Variants in FCHSD2 observed in about 807,000 individuals in gnomAD.
FCHSD2 encodes F-BAR and double SH3 domains protein 2.
FCHSD2 carries 38 observed loss-of-function variants against 108.1 expected under a neutral mutation model. The observed-to-expected ratio is 0.35, with a 90% CI of 0.27 to 0.46. FCHSD2 has a LOEUF of 0.46. Among genes scored for constraint, FCHSD2 ranks in the 20% least tolerant of loss-of-function variants. The pLI is 1.00. For missense variants in FCHSD2, 751 were observed against 897.8 expected (o/e 0.84, Z 2.09); for synonymous variants, 279 against 314.7 (o/e 0.89, Z 1.20).
intron 8 of FCHSD2, among the ~76,000 whole-genome samples, chr11:72,977,027 C>T (rs1050742132): frequency 6.6e-6 from 1 of 151,704 alleles, no homozygotes; most frequent in South Asian, 2.1e-4. Context: ...CCGGTTCAAG[C>T]GATTCTCCTG....
intron 4 of FCHSD2, among the ~76,000 whole-genome samples, chr11:73,010,521 AG>A (rs1857839357): frequency 6.6e-6 from 1 of 152,126 alleles, no homozygotes; most frequent in Admixed American, 6.5e-5. Flanking sequence ...CACTTCTTCC[AG>A]TTTTTTGAAT....
chr11:72,905,904 T>C (rs1855620072), intron 9 of FCHSD2, among the ~76,000 whole-genome samples: 1 of 152,224 alleles, frequency 6.6e-6, no homozygotes, highest in African/African-American at 2.4e-5. Context: ...AACATATGTG[T>C]GCATGTGTCT....
intron 4 of FCHSD2, among the ~76,000 whole-genome samples, chr11:73,009,604 C>A (rs567014258): frequency 6.6e-6 from 1 of 152,106 alleles, no homozygotes; most frequent in Non-Finnish European, 1.5e-5. Context: ...AATTCCCTAA[C>A]CTTTTGCTTG....
chr11:72,967,248 G>C (rs1163968929), intron 8 of FCHSD2, among the ~76,000 whole-genome samples: 2 of 151,514 alleles, frequency 1.3e-5, no homozygotes, highest in Non-Finnish European at 2.9e-5. Context: ...AGTGAAGAGA[G>C]GGATTGTTTT....
At chr11:73,114,592 T>G (rs1860563487) in intron 2 of FCHSD2, among the ~76,000 whole-genome samples, 1 of 152,058 alleles carries the variant, frequency 6.6e-6, no homozygotes, top group Non-Finnish European at 1.5e-5. Context: ...CACAGCGTAC[T>G]AACTAGGTAT....
chr11:73,010,284 A>G (rs1188092939), intron 4 of FCHSD2, among the ~76,000 whole-genome samples: 3 of 152,020 alleles, frequency 2.0e-5, no homozygotes, highest in African/African-American at 7.2e-5. Context: ...TAAATTTCTC[A>G]TTCATATCCT....
intron 2 of FCHSD2, among the ~76,000 whole-genome samples, chr11:73,088,458 C>CGT (rs142288080): frequency 2.6e-5 from 4 of 151,316 alleles, no homozygotes; most frequent in East Asian, 1.9e-4. Flanking sequence ...TGTATACATA[C>CGT]GTGTGTGTGT....
intron 12 of FCHSD2, among the ~76,000 whole-genome samples, chr11:72,879,826 C>T (rs2135230270): frequency 6.6e-6 from 1 of 151,758 alleles, no homozygotes; most frequent in East Asian, 1.9e-4. Flanking sequence ...TAGAAGAGGA[C>T]AGAAAACATA....
At chr11:72,849,617 C>A (rs140178229) in intron 14 of FCHSD2, 138 bp downstream of exon 14, 3 of 689,280 alleles carry the variant, frequency 4.4e-6, no homozygotes, top group Non-Finnish European at 7.4e-6. Flanking sequence ...AAACTCATCA[C>A]CATTCTGTTA....
chr11:73,106,778 G>T lies in FCHSD2; in HGVS notation c.120-23038C>A, dbSNP rs141315742. 4.9e-3 allele frequency among the ~76,000 whole-genome samples: 749 copies of T among 152,192 alleles called. 5 individuals carry two copies. Among genetic ancestry groups the T allele is most frequent in the African/African-American group, 0.018 (727 of 41,520 alleles). On this transcript the variant is annotated intron_variant, in intron 2 of 19. Coordinates refer to ENST00000409418, the MANE Select transcript of FCHSD2 (RefSeq NM_014824.3). ...CTTAAAGTATTCAGTACAGTAACAT[G>T]CTGGACAGGTTTGTAGCCTAGGAAC... is the stretch of plus-strand genomic sequence containing the variant.
intron 3 of FCHSD2, among the ~76,000 whole-genome samples, chr11:73,075,927 T>C (rs1199735632): frequency 1.3e-5 from 2 of 151,950 alleles, no homozygotes; most frequent in African/African-American, 2.4e-5. Context: ...GAGACCAGCC[T>C]GGGCAACGTG....
chr11:73,054,406 A>T (rs1023097160), intron 3 of FCHSD2, among the ~76,000 whole-genome samples: 2 of 152,060 alleles, frequency 1.3e-5, no homozygotes, highest in African/African-American at 4.8e-5. Context: ...TTTAAATACC[A>T]TTTAGGTATT....
Position 72,840,908 on chromosome 11 carries a change from G to A in FCHSD2, c.2108C>T (p.Thr703Ile). ...CAGTTTGCCATATGAGGTCTCAGGAGTATGCCTTGATGCCTGTGAGAATCC... is the reference window on the plus strand; with the variant it reads ...CAGTTTGCCATATGAGGTCTCAGGAATATGCCTTGATGCCTGTGAGAATCC... ...SPGFSQASRH[T>I]PETSYGKLRP... Residue 703 changes from threonine to isoleucine, a missense_variant, in exon 19 of 20, where the codon ACT becomes ATT. By Grantham distance (89) the Thr-to-Ile change is moderately conservative. Coordinates refer to ENST00000409418, the MANE Select transcript of FCHSD2 (RefSeq NM_014824.3). 1 of 1,613,258 alleles carries A rather than the reference G, an allele frequency of 6.2e-7. No individual in the cohort carries two copies. Among genetic ancestry groups the A allele is most frequent in the Non-Finnish European group, 8.5e-7 (1 of 1,179,246 alleles).
intron 8 of FCHSD2, among the ~76,000 whole-genome samples, chr11:72,926,251 G>A (rs1856073949): frequency 6.6e-6 from 1 of 152,124 alleles, no homozygotes; most frequent in Admixed American, 6.5e-5. Context: ...TGCCTCTTCT[G>A]GGCCTTCCCA....
At chr11:72,868,089 G>C (rs967489301) in intron 12 of FCHSD2, 63 bp from the exon 13 acceptor site, 1 of 1,469,730 alleles carries the variant, frequency 6.8e-7, no homozygotes, top group Non-Finnish European at 9.2e-7. Flanking sequence ...CAAAGATAAG[G>C]AATCAACCCA....
intron 12 of FCHSD2, among the ~76,000 whole-genome samples, chr11:72,879,999 CAAAAAAAAAAAA>C (rs541384964): frequency 1.6e-5 from 1 of 63,178 alleles, no homozygotes; most frequent in Non-Finnish European, 3.0e-5. Context: ...AATTCTGTCT[CAAAAAAAAAAAA>C]AAAAAAAAAA....
chr11:73,085,901 T>C (rs1051804074), intron 2 of FCHSD2, among the ~76,000 whole-genome samples: 6 of 151,990 alleles, frequency 3.9e-5, no homozygotes, highest in Non-Finnish European at 8.8e-5. Context: ...TATGGCCCAT[T>C]CAAAGGGGAA....
chr11:72,960,697 C>T (rs1856804116), intron 8 of FCHSD2, among the ~76,000 whole-genome samples: 1 of 152,120 alleles, frequency 6.6e-6, no homozygotes, highest in Non-Finnish European at 1.5e-5. Flanking sequence ...CTGTTAGCCA[C>T]CAGAAAGTTC....
At chr11:73,102,298 ACT>A (rs1353883613) in intron 2 of FCHSD2, among the ~76,000 whole-genome samples, 7 of 152,088 alleles carry the variant, frequency 4.6e-5, no homozygotes, top group Non-Finnish European at 7.4e-5. Context: ...ATATAGATAG[ACT>A]CTGGGGAAAT....
Sources: gnomAD v4.1 joint callset for allele counts (sites outside exome capture counted in the v4.1 genomes callset) on GRCh38, gnomAD v4.1.1 for gene constraint, MANE v1.5 for transcripts, NCBI Gene and HGNC (gene_info 2026-07-23, HGNC 2026-07-21) for gene names.